HERC2: variants seen among roughly 807,000 people sequenced by gnomAD.
The protein encoded by HERC2 is E3 ubiquitin-protein ligase HERC2.
In HERC2, 102 loss-of-function variants were observed where a neutral mutation model predicts 537.7. The ratio of observed to expected loss-of-function variants is 0.19; its 90% confidence interval spans 0.16 to 0.22. The LOEUF (loss-of-function observed/expected upper bound fraction) is 0.22. Ranked by LOEUF, HERC2 falls within the 10% of genes least tolerant of loss-of-function variation. HERC2 has a pLI of 1.00. For synonymous variants in HERC2, 2,224 were observed against 2,466.2 expected, an observed-to-expected ratio of 0.90 and a Z score of 2.91; for missense variants, 4,236 against 6,198.2, an observed-to-expected ratio of 0.68 and a Z score of 10.63.
At chr15:28,235,128 G>A (rs1030122492) in intron 26 of HERC2, among the ~76,000 whole-genome samples, 2 of 152,050 alleles carry the variant, frequency 1.3e-5, no homozygotes, top group East Asian at 1.9e-4. Flanking sequence ...CAATCAAAGC[G>A]GGATGCACTT....
intron 56 of HERC2, among the ~76,000 whole-genome samples, chr15:28,183,537 C>T (rs1368288473): frequency 6.6e-6 from 1 of 152,138 alleles, no homozygotes; most frequent in Non-Finnish European, 1.5e-5. Flanking sequence ...TCAACAGCAT[C>T]CAAAACACTC....
intron 2 of HERC2, among the ~76,000 whole-genome samples, chr15:28,299,980 G>C (rs2076575703): frequency 6.6e-6 from 1 of 150,638 alleles, no homozygotes; most frequent in Non-Finnish European, 1.5e-5. Context: ...TTGAACCCAG[G>C]AGGCAGAGGT....
rs1225532779 is a variant in HERC2, at chr15:28,132,135, G to A, written c.12535C>T (p.Arg4179Trp). Residue 4179 changes from arginine to tryptophan, a missense_variant, in exon 81 of 93, where the codon CGG (arginine) becomes TGG (tryptophan). Around this residue, in one of 27 missense-constraint regions of HERC2, gnomAD observed 7 missense variants for 26.9 expected, o/e 0.26. Coordinates refer to ENST00000261609, the MANE Select transcript of HERC2 (RefSeq NM_004667.6). ...WGDGDYGKLG[R>W]GGSDGCKVPM... The stretch of plus-strand genomic sequence containing the variant: ...ACTTTACAGCCATCGCTGCCTCCCC[G>A]GCCGAGCTTGCCGTAGTCCCCGTCC... The A allele has an allele frequency of 2.5e-6, 4 of 1,612,378 alleles. No individual in the cohort carries two copies. Among genetic ancestry groups the A allele is most frequent in the African/African-American group, 1.3e-5 (1 of 74,866 alleles).
At position 28,124,209 on chromosome 15, in the gene HERC2, T is replaced by TG. The variant is rs1889229379; in HGVS notation, c.13015dup (p.Gln4339ProfsTer112). 6.6e-7 allele frequency: 1 copy of TG among 1,524,530 alleles called. No homozygotes were observed. The highest frequency in any genetic ancestry group is 1.4e-5 in the African/African-American group (1 of 71,932). The allele number at this position is 1,524,530 out of a possible 1,614,324, so 94.4% of individuals were successfully genotyped here. Reference sequence around the variant, plus strand: ...CCTCAGCGCAATGATGGGGATCTCCTGCAGGTGATTGTACTCCATGGGGAC... The same window carrying TG: ...CCTCAGCGCAATGATGGGGATCTCCTGGCAGGTGATTGTACTCCATGGGGAC... On this transcript the variant is annotated frameshift_variant, in exon 85 of 93. Coordinates refer to ENST00000261609, the MANE Select transcript of HERC2 (RefSeq NM_004667.6). LOFTEE classifies it high-confidence loss of function.
At chr15:28,231,974 C>T (rs969241481) in intron 30 of HERC2, among the ~76,000 whole-genome samples, 2 of 152,118 alleles carry the variant, frequency 1.3e-5, no homozygotes, top group Non-Finnish European at 1.5e-5. Context: ...TCCCTCATGC[C>T]GAGGCAGCCT....
intron 10 of HERC2, among the ~76,000 whole-genome samples, 171 bp downstream of exon 10, chr15:28,270,524 C>T (rs987246534): frequency 6.6e-6 from 1 of 152,024 alleles, no homozygotes; most frequent in African/African-American, 2.4e-5. Flanking sequence ...GCTTGCTCAT[C>T]ACTCACTCTC....
intron 85 of HERC2, among the ~76,000 whole-genome samples, chr15:28,123,661 G>C (rs749116541): frequency 2.6e-5 from 4 of 152,148 alleles, no homozygotes; most frequent in Non-Finnish European, 5.9e-5. Flanking sequence ...CAGCCCAATC[G>C]CCGGCCTTCC....
intron 59 of HERC2, among the ~76,000 whole-genome samples, chr15:28,178,664 G>C (rs990303373): frequency 1.3e-5 from 2 of 152,164 alleles, no homozygotes; most frequent in African/African-American, 4.8e-5. Context: ...TCTGAAGAAA[G>C]TTATAGACTC....
At chr15:28,249,826 T>C (rs908916304) in intron 20 of HERC2, among the ~76,000 whole-genome samples, 1 of 151,770 alleles carries the variant, frequency 6.6e-6, no homozygotes, top group African/African-American at 2.4e-5. Flanking sequence ...TTTTTTTTTT[T>C]TTTTTTTTAA....
In HERC2 at chr15:28,168,440, T is replaced by C. The variant is rs1894366332; in HGVS notation, c.10380A>G (p.Arg3460=). The C allele has an allele frequency of 6.2e-7, 1 of 1,614,158 alleles. No individual in the cohort carries two copies. The highest frequency in any genetic ancestry group is 8.5e-7 in the Non-Finnish European group (1 of 1,180,022). ...ECMLAVDIED[R]LSPNPWQEKR... ...TTTCTTGCCATGGATTTGGACTCAG[T>C]CTGTCTTCGATATCAACAGCCAGCA... The change falls in exon 67 of 93, where the codon AGA becomes AGG. Residue 3460 remains arginine (R), a synonymous_variant. Coordinates refer to ENST00000261609, the MANE Select transcript of HERC2 (RefSeq NM_004667.6).
intron 26 of HERC2, among the ~76,000 whole-genome samples, chr15:28,235,504 G>C (rs1471271030): frequency 6.6e-6 from 1 of 152,132 alleles, no homozygotes; most frequent in Non-Finnish European, 1.5e-5. Flanking sequence ...CCCAACGGGG[G>C]GCTGTATGGA....
At chr15:28,194,043 C>T (rs1185205440) in intron 52 of HERC2, among the ~76,000 whole-genome samples, 4 of 149,862 alleles carry the variant, frequency 2.7e-5, no homozygotes, top group African/African-American at 7.3e-5. Flanking sequence ...TCACATGCCC[C>T]ACATGTATTG....
intron 23 of HERC2, among the ~76,000 whole-genome samples, chr15:28,243,675 T>C (rs1186710067): frequency 6.6e-6 from 1 of 152,060 alleles, no homozygotes; most frequent in African/African-American, 2.4e-5. Flanking sequence ...GAAACCACAA[T>C]GAGATACCAG....
chr15:28,202,284 G>A, intron 46 of HERC2, 35 bp from the exon 47 acceptor site: 1 of 1,612,936 alleles, frequency 6.2e-7, no homozygotes, highest in Non-Finnish European at 8.5e-7. Flanking sequence ...CAGCCACTGT[G>A]AGTCAACAGC....
intron 12 of HERC2, among the ~76,000 whole-genome samples, chr15:28,267,346 C>T (rs1159657111): frequency 3.3e-5 from 5 of 152,172 alleles, no homozygotes; most frequent in South Asian, 2.1e-4. Flanking sequence ...TAGAATAAGG[C>T]GTAAGTTACT....
chr15:28,179,244 C>CAA, intron 57 of HERC2, 21 bp from the exon 58 acceptor site: 39 of 1,353,378 alleles, frequency 2.9e-5, no homozygotes, highest in South Asian at 7.2e-5. Flanking sequence ...ATTTTTTTAA[C>CAA]AAAAAAAAAA....
chr15:28,238,540 T>C (rs1902700028), intron 24 of HERC2, 62 bp downstream of exon 24: 2 of 1,373,810 alleles, frequency 1.5e-6, no homozygotes, highest in South Asian at 1.2e-5. Flanking sequence ...ATAAGCCAAA[T>C]ACTCTGCTTA....
intron 83 of HERC2, among the ~76,000 whole-genome samples, chr15:28,129,072 A>G (rs1231544209): frequency 6.6e-6 from 1 of 152,130 alleles, no homozygotes; most frequent in East Asian, 1.9e-4. Flanking sequence ...TCTCCATATC[A>G]TCAAGTCAGC....
intron 2 of HERC2, among the ~76,000 whole-genome samples, chr15:28,319,046 G>A (rs1175077754): frequency 6.6e-6 from 1 of 151,022 alleles, no homozygotes; most frequent in African/African-American, 2.4e-5. Context: ...TAAAACCTGT[G>A]AGCACAAGGC....
Sources: allele counts gnomAD v4.1 joint callset (sites outside exome capture counted in the v4.1 genomes callset), GRCh38; gene constraint gnomAD v4.1.1; regional missense constraint gnomAD v4.1.1; transcripts MANE v1.5; gene names NCBI Gene and HGNC (gene_info 2026-07-23, HGNC 2026-07-21).